The following ESPNL variants were observed in gnomAD, a reference collection of about 807,000 sequenced individuals.
The protein encoded by ESPNL is espin-like protein.
A neutral mutation model predicts 46.8 loss-of-function variants in ESPNL; 49 were observed. The observed-to-expected ratio is 1.05, with a 90% CI of 0.83 to 1.33. ESPNL has a LOEUF of 1.33. ESPNL is among the 40% of genes most tolerant of loss of function. ESPNL has a pLI of 0.00. For synonymous variants in ESPNL, 664 were observed against 662.1 expected, an observed-to-expected ratio of 1.00 and a Z score of -0.04; for missense variants, 1,540 against 1,436.6, an observed-to-expected ratio of 1.07 and a Z score of -1.16.
At chr2:238,100,887 A>G (rs1429294659) in intron 1 of ESPNL, among the ~76,000 whole-genome samples, 174 bp downstream of exon 1, 1 of 152,228 alleles carries the variant, frequency 6.6e-6, no homozygotes, top group East Asian at 1.9e-4. Flanking sequence ...CTCTCAGAGC[A>G]CAAAGGCTTG....
intron 5 of ESPNL, among the ~76,000 whole-genome samples, chr2:238,123,847 C>T (rs1355350954): frequency 6.6e-6 from 1 of 152,006 alleles, no homozygotes; most frequent in African/African-American, 2.4e-5. Context: ...GGCAGATGGG[C>T]TTTCAGACTG....
intron 4 of ESPNL, among the ~76,000 whole-genome samples, chr2:238,108,214 CCT>C (rs1205644902): frequency 6.6e-6 from 1 of 152,234 alleles, no homozygotes; most frequent in Non-Finnish European, 1.5e-5. Flanking sequence ...GCAGAAACTC[CCT>C]CGTGCCTGGT....
At chr2:238,115,204 G>A (rs1013367508) in intron 4 of ESPNL, among the ~76,000 whole-genome samples, 4 of 152,192 alleles carry the variant, frequency 2.6e-5, no homozygotes, top group Admixed American at 6.5e-5. Flanking sequence ...CCCTGGTGGC[G>A]CTGTGGCCTC....
chr2:238,120,296 T>C (rs1691957579), intron 5 of ESPNL, among the ~76,000 whole-genome samples: 2 of 152,220 alleles, frequency 1.3e-5, no homozygotes, highest in South Asian at 2.1e-4. Flanking sequence ...GGCCCCTCCC[T>C]GCACTTCCTC....
Position 238,130,313 on chromosome 2 carries a change from G to A in ESPNL, c.1599G>A (p.Leu533=). ...CQEYESELGR[L]AAELQALLPE... ...AGTATGAGAGTGAGCTGGGCCGGTT[G>A]GCGGCTGAGCTGCAGGCCCTGCTGC... The change falls in exon 9 of 9, where the codon TTG becomes TTA. Residue 533 remains leucine (L), a synonymous_variant. Transcript: ENST00000343063. The A allele has an allele frequency of 1.2e-6, 2 of 1,607,182 alleles. No homozygotes were observed. Among genetic ancestry groups the A allele is most frequent in the Non-Finnish European group, 1.7e-6 (2 of 1,177,398 alleles).
chr2:238,115,968 G>A lies in ESPNL; in HGVS notation c.856-935G>A, dbSNP rs144161081. On this transcript the variant is annotated intron_variant, in intron 4 of 8. Transcript: ENST00000343063. ...ATTACGGGCATGAGCCACTGCGCCC[G>A]GCCAAGGGTCTCACAACTTCTTACT... Among the ~76,000 whole-genome samples the A allele has an allele frequency of 4.0e-3, 609 of 152,278 alleles. 2 individuals are homozygous for A. The highest frequency in any genetic ancestry group is 5.1e-3 in the African/African-American group (213 of 41,552).
intron 4 of ESPNL, among the ~76,000 whole-genome samples, chr2:238,113,748 C>A (rs1052366261): frequency 1.3e-5 from 2 of 152,136 alleles, no homozygotes; most frequent in Non-Finnish European, 2.9e-5. Flanking sequence ...AGGGTGGAGC[C>A]CTTGGCCACA....
At position 238,131,445 on chromosome 2, in the gene ESPNL, G is replaced by T; in HGVS notation, c.2731G>T (p.Gly911Cys). 1 of 1,609,538 alleles carries T rather than the reference G, an allele frequency of 6.2e-7. No homozygotes were observed. Among genetic ancestry groups the T allele is most frequent in the Non-Finnish European group, 8.5e-7 (1 of 1,178,236 alleles). Residue 911 changes from glycine to cysteine, a missense_variant, in exon 9 of 9, where the codon GGC becomes TGC. Transcript: ENST00000343063. ...HKAVTDEVAA[G>C]RRAWTDGFED... ...GGCCGTGACCGACGAGGTGGCCGCC[G>T]GCCGCCGGGCCTGGACCGACGGCTT...
At chr2:238,116,328 G>A (rs963370583) in intron 4 of ESPNL, among the ~76,000 whole-genome samples, 24 of 152,296 alleles carry the variant, frequency 1.6e-4, no homozygotes, top group Middle Eastern at 3.4e-3. Context: ...GGAGACAGGA[G>A]GGTCCTGGCC....
chr2:238,123,025 C>T (rs1692021997), intron 5 of ESPNL, among the ~76,000 whole-genome samples: 1 of 152,244 alleles, frequency 6.6e-6, no homozygotes, highest in African/African-American at 2.4e-5. Context: ...AGGGAGCACA[C>T]ATCATGCTTT....
At chr2:238,104,369 C>A (rs1269456804) in intron 2 of ESPNL, among the ~76,000 whole-genome samples, 2 of 152,212 alleles carry the variant, frequency 1.3e-5, no homozygotes, top group Admixed American at 1.3e-4. Context: ...TCCACTGGGA[C>A]AACTGAGAAC....
At chr2:238,103,746 C>G (rs563274571) in intron 2 of ESPNL, among the ~76,000 whole-genome samples, 196 of 152,304 alleles carry the variant, frequency 1.3e-3, no homozygotes, top group African/African-American at 3.7e-3. Context: ...TACTGGCAGC[C>G]CTTTGGGGCA....
chr2:238,130,226 G>C lies in ESPNL; in HGVS notation c.1512G>C (p.Glu504Asp). 6.2e-7 allele frequency: 1 copy of C among 1,611,666 alleles called. No individual in the cohort carries two copies. The highest frequency in any genetic ancestry group is 8.5e-7 in the Non-Finnish European group (1 of 1,179,390). The stretch of plus-strand genomic sequence containing the variant: ...GGCCCTTTGGGGAGCTGCTGACAGA[G>C]GATGACCTGGTCTACCTGGAGAAGC... The part of the protein sequence containing the change: ...ILGPFGELLT[E>D]DDLVYLEKQI... The change falls in exon 9 of 9, where the codon GAG becomes GAC. Residue 504 changes from glutamate to aspartate, a missense_variant. Coordinates refer to ENST00000343063, the MANE Select transcript of ESPNL (RefSeq NM_194312.4).
chr2:238,125,896 T>A (rs576139048), intron 6 of ESPNL, among the ~76,000 whole-genome samples: 1 of 152,158 alleles, frequency 6.6e-6, no homozygotes, highest in South Asian at 2.1e-4. Context: ...CATGTGGGAG[T>A]GTGCTTCTGT....
At chr2:238,113,430 A>G (rs972593419) in intron 4 of ESPNL, among the ~76,000 whole-genome samples, 1 of 152,166 alleles carries the variant, frequency 6.6e-6, no homozygotes, top group Admixed American at 6.5e-5. Flanking sequence ...CTTTATTTAA[A>G]AGTAGTAAGC....
In ESPNL at chr2:238,101,967, G is replaced by A. The variant is rs147668935; in HGVS notation, c.321G>A (p.Pro107=). The change falls in exon 2 of 9, where the codon CCG becomes CCA. Residue 107 remains proline (P), a synonymous_variant. Coordinates refer to ENST00000343063, the MANE Select transcript of ESPNL (RefSeq NM_194312.4). ...ACCAAGATGCCTCGGGCGTCTCCCCGCTGCACCTGGCCGCCCGTTTTGGAC... is the reference window on the plus strand; with the variant it reads ...ACCAAGATGCCTCGGGCGTCTCCCCACTGCACCTGGCCGCCCGTTTTGGAC... ...LQDQDASGVS[P]LHLAARFGHP... 56 of 1,609,682 alleles carry A rather than the reference G, an allele frequency of 3.5e-5. No homozygotes were observed. The highest frequency in any genetic ancestry group is 4.2e-5 in the Non-Finnish European group (50 of 1,179,440).
chr2:238,130,008 TA>T, intron 8 of ESPNL, 119 bp from the exon 9 acceptor site: 3 of 1,169,736 alleles, frequency 2.6e-6, no homozygotes, highest in Non-Finnish European at 3.6e-6. Flanking sequence ...TTTAAAGTCT[TA>T]CCTTGGGGCA....
At chr2:238,129,939 T>G (rs1692247217) in intron 8 of ESPNL, among the ~76,000 whole-genome samples, 189 bp from the exon 9 acceptor site, 1 of 152,236 alleles carries the variant, frequency 6.6e-6, no homozygotes, top group Non-Finnish European at 1.5e-5. Context: ...GCCACAGGGT[T>G]GAGAGCAGAG....
chr2:238,117,468 CGTGGGTG>C (rs1691842474), intron 5 of ESPNL, among the ~76,000 whole-genome samples: 1 of 121,608 alleles, frequency 8.2e-6, no homozygotes, highest in South Asian at 2.4e-4. Context: ...CAGAGTTCCT[CGTGGGTG>C]ATGTGGGTGA....
Sources: allele counts gnomAD v4.1 joint callset (sites outside exome capture counted in the v4.1 genomes callset), GRCh38; gene constraint gnomAD v4.1.1; transcripts MANE v1.5; gene names NCBI Gene and HGNC (gene_info 2026-07-23, HGNC 2026-07-21).